FGF5: variants seen among roughly 807,000 people sequenced by gnomAD.
FGF5 encodes the protein heparin-binding growth factor 5.
In FGF5, 23 loss-of-function variants were observed where a neutral mutation model predicts 21.8. That is an observed-to-expected ratio of 1.05 (90% CI 0.76 to 1.49). FGF5 has a LOEUF of 1.49. Ranked by LOEUF, FGF5 falls within the 40% of genes most tolerant of loss-of-function variation. The pLI is 0.00. For synonymous variants in FGF5, 158 were observed against 124.0 expected (o/e 1.27, Z -1.82); for missense variants, 352 against 332.9 (o/e 1.06, Z -0.45).
rs1050711739 is a variant in FGF5, at chr4:80,282,342, T to A, written c.460-3983T>A. Among the ~76,000 whole-genome samples, 6 of 152,342 alleles carry A rather than the reference T, an allele frequency of 3.9e-5. No homozygotes were observed. The East Asian group carries it at 9.6e-4, about 24-fold the overall frequency. ...ATATTCAAGAAAAAATAGTTCGATT[T>A]GTTTAAAGTTCTTTTTTTTTTGTCA... On this transcript the variant is annotated intron_variant, in intron 2 of 2. Coordinates refer to ENST00000312465, the MANE Select transcript of FGF5 (RefSeq NM_004464.4).
chr4:80,277,119 T>C (rs1720435534), intron 2 of FGF5, among the ~76,000 whole-genome samples: 1 of 152,148 alleles, frequency 6.6e-6, no homozygotes, highest in South Asian at 2.1e-4. Context: ...CAAAGGCAAG[T>C]AACAAATTTC....
chr4:80,286,043 G>T (rs1006201862), intron 2 of FGF5, among the ~76,000 whole-genome samples: 1 of 152,184 alleles, frequency 6.6e-6, no homozygotes, highest in Non-Finnish European at 1.5e-5. Flanking sequence ...GGGTTTAAAT[G>T]TATCAAGAGT....
rs1203165299 is a variant in FGF5 at position 80,286,721 on chromosome 4, T to C, written c.*49T>C. ...ACCATTCTTTCCCCTCAGGAGTTTC[T>C]ATAGGTGTCTTCAGAGTTCTGAAGA... is the stretch of plus-strand genomic sequence containing the variant. On this transcript the variant is annotated 3_prime_UTR_variant, in exon 3 of 3. Coordinates refer to ENST00000312465, the MANE Select transcript of FGF5 (RefSeq NM_004464.4). 18 of 1,458,570 alleles carry C rather than the reference T, an allele frequency of 1.2e-5. No individual in the cohort carries two copies. Among genetic ancestry groups the C allele is most frequent in the Non-Finnish European group, 1.6e-5 (17 of 1,054,888 alleles). The allele number at this position is 1,458,570 out of a possible 1,614,324, so 90.4% of individuals were successfully genotyped here.
In FGF5 at chr4:80,287,386, C is replaced by T. The variant is rs1399230938; in HGVS notation, c.*714C>T. ...TGTGTATGTGTATGTCAATTCATGACATTATGTGGAATCCTAAACCTTTGG... is the reference window on the plus strand; with the variant it reads ...TGTGTATGTGTATGTCAATTCATGATATTATGTGGAATCCTAAACCTTTGG... On this transcript the variant is annotated 3_prime_UTR_variant, in exon 3 of 3. Coordinates refer to ENST00000312465, the MANE Select transcript of FGF5 (RefSeq NM_004464.4). 6.6e-6 allele frequency: 1 copy of T among 152,074 alleles called. No homozygotes were observed. The highest frequency in any genetic ancestry group is 2.4e-5 in the African/African-American group (1 of 41,416). 9.4% of individuals were successfully genotyped at this position (152,074 alleles called of 1,614,324 possible). A position where few individuals can be genotyped will look rare whatever the true frequency, so the allele number is the denominator to read the frequency against.
At chr4:80,286,188 G>T (rs2109930497) in intron 2 of FGF5, 137 bp from the exon 3 acceptor site, 4 of 582,324 alleles carry the variant, frequency 6.9e-6, no homozygotes, top group Non-Finnish European at 1.2e-5. Context: ...AAGCAAACAT[G>T]TCTTTATAAA....
intron 1 of FGF5, among the ~76,000 whole-genome samples, chr4:80,269,232 C>T (rs747589605): frequency 2.2e-4 from 33 of 152,258 alleles, no homozygotes; most frequent in Non-Finnish European, 2.4e-4. Context: ...AGGATAACTT[C>T]CGTGAGCTCA....
intron 1 of FGF5, among the ~76,000 whole-genome samples, chr4:80,272,849 T>C (rs2109919700): frequency 6.6e-6 from 1 of 152,250 alleles, no homozygotes; most frequent in Non-Finnish European, 1.5e-5. Context: ...TGAATGCACA[T>C]GTTTACATAA....
At chr4:80,269,194 C>G (rs1441373589) in intron 1 of FGF5, among the ~76,000 whole-genome samples, 1 of 152,154 alleles carries the variant, frequency 6.6e-6, no homozygotes, top group South Asian at 2.1e-4. Context: ...TTTCCACTCT[C>G]CCTGGGTACA....
intron 2 of FGF5, among the ~76,000 whole-genome samples, chr4:80,277,353 C>T (rs35431927): frequency 0.013 from 1,993 of 152,104 alleles, 45 homozygotes; most frequent in African/African-American, 0.046. Flanking sequence ...AAATATTAAG[C>T]CTATGATTAT....
At chr4:80,268,597 C>A in intron 1 of FGF5, 2 of 889,654 alleles carry the variant, frequency 2.2e-6, no homozygotes, top group Non-Finnish European at 2.7e-6. Flanking sequence ...TAGCCTCCTC[C>A]GGTGGGTTAA....
At chr4:80,268,413 TC>T (rs1454182858) in intron 1 of FGF5, 1 of 857,928 alleles carries the variant, frequency 1.2e-6, no homozygotes, top group Non-Finnish European at 1.4e-6. Flanking sequence ...GCCTGGTTGC[TC>T]CTAGATGTTC....
rs1720857358 is a variant in FGF5, at chr4:80,290,299, G to C, written c.*3627G>C. The C allele has an allele frequency of 6.6e-6, 1 of 152,058 alleles. No homozygotes were observed. The highest frequency in any genetic ancestry group is 1.5e-5 in the Non-Finnish European group (1 of 67,986). The allele number at this position is 152,058 out of a possible 1,614,324, so 9.4% of individuals were successfully genotyped here. The stretch of plus-strand genomic sequence containing the variant: ...TTTTAGGTGATAAAATTTTTTAAAA[G>C]TTTTGAAGGAAACCTCTGGATAAAT... On this transcript the variant is annotated 3_prime_UTR_variant, in exon 3 of 3. Transcript: ENST00000312465.
Position 80,286,698 on chromosome 4 carries a change from C to T in FGF5, c.*26C>T. On this transcript the variant is annotated 3_prime_UTR_variant, in exon 3 of 3. Coordinates refer to ENST00000312465, the MANE Select transcript of FGF5 (RefSeq NM_004464.4). ...TATTCCTCTTGGCCTTGTGAGAAAC[C>T]ATTCTTTCCCCTCAGGAGTTTCTAT... 6.3e-7 allele frequency: 1 copy of T among 1,576,408 alleles called. No homozygotes were observed. Among genetic ancestry groups the T allele is most frequent in the South Asian group, 1.1e-5 (1 of 89,686 alleles).
chr4:80,266,618 T>G, upstream of FGF5: 4 of 572,430 alleles, frequency 7.0e-6, no homozygotes, highest in Non-Finnish European at 9.2e-6. Context: ...CACGGAGCAG[T>G]GAGATCACTG....
rs1400616252 is a variant in FGF5, at chr4:80,274,889, T to C, written c.356-20T>C. 1.9e-6 allele frequency: 2 copies of C among 1,054,024 alleles called. No homozygotes were observed. The highest frequency in any genetic ancestry group is 1.8e-5 in the Admixed American group (1 of 54,996). The allele number at this position is 1,054,024 out of a possible 1,614,324, so 65.3% of individuals were successfully genotyped here. On this transcript the variant is annotated intron_variant, in intron 1 of 2. Transcript: ENST00000312465. Reference sequence around the variant, plus strand: ...ATAAATAAGAGCCTGTGTTTTATTTTGGGATTTCTGTCATCCTAGGTGTTT... The same window carrying C: ...ATAAATAAGAGCCTGTGTTTTATTTCGGGATTTCTGTCATCCTAGGTGTTT...
In FGF5 at chr4:80,283,238, T is replaced by C. The variant is rs572860120; in HGVS notation, c.460-3087T>C. On this transcript the variant is annotated intron_variant, in intron 2 of 2. Coordinates refer to ENST00000312465, the MANE Select transcript of FGF5 (RefSeq NM_004464.4). ...ATGTAGAATGTAGGATTTGGATGGCTGAGGGGCTGTGTGTACTGTGTAGAT... is the reference window on the plus strand; with the variant it reads ...ATGTAGAATGTAGGATTTGGATGGCCGAGGGGCTGTGTGTACTGTGTAGAT... 3.9e-5 allele frequency among the ~76,000 whole-genome samples: 6 copies of C among 152,302 alleles called. No homozygotes were observed. The East Asian group carries it at 1.2e-3, about 29-fold the overall frequency.
At chr4:80,267,488 G>A (rs1000868334) in intron 1 of FGF5, among the ~76,000 whole-genome samples, 12 of 152,182 alleles carry the variant, frequency 7.9e-5, no homozygotes, top group East Asian at 3.8e-4. Flanking sequence ...CATGACAGGA[G>A]AGAACAAAAA....
chr4:80,277,992 C>A (rs1373749587), intron 2 of FGF5, among the ~76,000 whole-genome samples: 2 of 152,036 alleles, frequency 1.3e-5, no homozygotes, highest in Non-Finnish European at 2.9e-5. Context: ...ACGAAAGAGT[C>A]TCATAGATGT....
rs575812711 is a variant in FGF5 at position 80,290,590 on chromosome 4, A to G, written c.*3918A>G. The G allele has an allele frequency of 6.6e-5, 10 of 152,122 alleles. No individual in the cohort carries two copies. In the East Asian group the frequency reaches 1.2e-3, roughly 18 times the overall value. The allele number at this position is 152,122 out of a possible 1,614,324, so 9.4% of individuals were successfully genotyped here. ...TCTAGGGTACATGTCCACAATGCACATGTCTGTCACACATGCACACATGTG... is the reference window on the plus strand; with the variant it reads ...TCTAGGGTACATGTCCACAATGCACGTGTCTGTCACACATGCACACATGTG... On this transcript the variant is annotated 3_prime_UTR_variant, in exon 3 of 3. Coordinates refer to ENST00000312465, the MANE Select transcript of FGF5 (RefSeq NM_004464.4).
Sources: allele counts gnomAD v4.1 joint callset (sites outside exome capture counted in the v4.1 genomes callset), GRCh38; gene constraint gnomAD v4.1.1; transcripts MANE v1.5; gene names NCBI Gene and HGNC (gene_info 2026-07-23, HGNC 2026-07-21).